The following ENOX1 variants were observed in gnomAD, a reference collection of about 807,000 sequenced individuals.
ENOX1 encodes ecto-NOX disulfide-thiol exchanger 1.
In ENOX1, 42 loss-of-function variants were observed where a neutral mutation model predicts 82.5. The ratio of observed to expected loss-of-function variants is 0.51; its 90% CI spans 0.40 to 0.66. ENOX1 has a LOEUF of 0.66. Ranked by LOEUF, ENOX1 falls within the 30% of genes least tolerant of loss-of-function variation. The probability of loss-of-function intolerance (pLI) is 0.00; values close to 1 mark genes in which losing one functional copy is unlikely to be tolerated. For missense variants in ENOX1, 608 were observed against 811.6 expected (o/e 0.75, Z 3.05); for synonymous variants, 271 against 282.2 (o/e 0.96, Z 0.40).
chr13:43,425,680 G>A (rs2055257130), intron 3 of ENOX1, among the ~76,000 whole-genome samples: 1 of 152,108 alleles, frequency 6.6e-6, no homozygotes, highest in Non-Finnish European at 1.5e-5. Flanking sequence ...CAATAATGAT[G>A]AAGACCTGAA....
chr13:43,584,290 C>T (rs1593949082), intron 2 of ENOX1, among the ~76,000 whole-genome samples: 1 of 152,306 alleles, frequency 6.6e-6, no homozygotes, highest in East Asian at 1.9e-4. Flanking sequence ...CACAAACACA[C>T]CCATCCCCCC....
chr13:43,643,030 T>C (rs1035401492), intron 2 of ENOX1, among the ~76,000 whole-genome samples: 3 of 152,332 alleles, frequency 2.0e-5, no homozygotes, highest in East Asian at 3.9e-4. Context: ...TACAATTATG[T>C]AGGAAAAATA....
At chr13:43,651,541 ACAAAAATTAG>A (rs1445169596) in intron 2 of ENOX1, among the ~76,000 whole-genome samples, 2 of 151,884 alleles carry the variant, frequency 1.3e-5, no homozygotes, top group East Asian at 3.9e-4. Flanking sequence ...ACTGAAAAAT[ACAAAAATTAG>A]CTGAGTGTGG....
chr13:43,384,044 C>T (rs2052247923), intron 5 of ENOX1, among the ~76,000 whole-genome samples: 1 of 152,200 alleles, frequency 6.6e-6, no homozygotes, highest in Non-Finnish European at 1.5e-5. Context: ...GCACCACTCA[C>T]TAACAGTGTG....
intron 12 of ENOX1, among the ~76,000 whole-genome samples, chr13:43,288,066 G>T (rs540720847): frequency 2.6e-5 from 4 of 152,288 alleles, no homozygotes; most frequent in Admixed American, 2.0e-4. Flanking sequence ...GAATTATGAG[G>T]ATTATCATCT....
chr13:43,328,696 G>A (rs1453648434), intron 9 of ENOX1, among the ~76,000 whole-genome samples: 2 of 152,132 alleles, frequency 1.3e-5, no homozygotes, highest in Non-Finnish European at 2.9e-5. Context: ...TAGTGCACAG[G>A]TTTAGGGGTA....
intron 1 of ENOX1, among the ~76,000 whole-genome samples, chr13:43,731,542 T>C (rs1346331623): frequency 6.6e-6 from 1 of 151,730 alleles, no homozygotes; most frequent in African/African-American, 2.4e-5. Context: ...TTTTTTTCTT[T>C]AGGAAGAATT....
intron 3 of ENOX1, among the ~76,000 whole-genome samples, chr13:43,458,107 T>C (rs1419026779): frequency 1.3e-5 from 2 of 152,222 alleles, no homozygotes; most frequent in Non-Finnish European, 2.9e-5. Context: ...TATGGACCAA[T>C]AACTTTTTTA....
At chr13:43,329,382 G>A (rs1432303981) in intron 9 of ENOX1, among the ~76,000 whole-genome samples, 1 of 152,150 alleles carries the variant, frequency 6.6e-6, no homozygotes. Context: ...CTTGCTACAT[G>A]GGAGGAGGAA....
chr13:43,478,066 T>TG (rs1406192463), intron 3 of ENOX1, among the ~76,000 whole-genome samples: 47 of 146,664 alleles, frequency 3.2e-4, no homozygotes, highest in South Asian at 1.5e-3. Context: ...TTTTTTTTTT[T>TG]TTTTTTTTTT....
At chr13:43,505,946 A>T (rs2077143475) in intron 2 of ENOX1, among the ~76,000 whole-genome samples, 1 of 151,956 alleles carries the variant, frequency 6.6e-6, no homozygotes, top group African/African-American at 2.4e-5. Flanking sequence ...TAAGGAAGGG[A>T]TCCAGTTTCA....
At chr13:43,675,887 C>T (rs1289724191) in intron 1 of ENOX1, among the ~76,000 whole-genome samples, 1 of 152,178 alleles carries the variant, frequency 6.6e-6, no homozygotes, top group Non-Finnish European at 1.5e-5. Context: ...TTTTGCTCAT[C>T]CCATCACAGG....
chr13:43,708,476 C>T (rs2087467797), intron 1 of ENOX1, among the ~76,000 whole-genome samples: 1 of 152,184 alleles, frequency 6.6e-6, no homozygotes, highest in Non-Finnish European at 1.5e-5. Context: ...TTTTAATAAA[C>T]TTTGACTCCT....
Position 43,298,035 on chromosome 13 carries a change from A to G in ENOX1, c.1446+311T>C, listed in dbSNP as rs181356266. Among the ~76,000 whole-genome samples the G allele has an allele frequency of 2.6e-5, 4 of 152,368 alleles. No individual in the cohort carries two copies. In the East Asian group the frequency reaches 7.7e-4, roughly 29 times the overall value. On this transcript the variant is annotated intron_variant, in intron 12 of 16. Transcript: ENST00000690772. ...TCTAAGATTACAAAATGCTTGTATCATGCAGGGATCTGCTAGGTATTTGCC... is the reference window on the plus strand; with the variant it reads ...TCTAAGATTACAAAATGCTTGTATCGTGCAGGGATCTGCTAGGTATTTGCC...
At chr13:43,689,910 C>T (rs2086266061) in intron 1 of ENOX1, among the ~76,000 whole-genome samples, 1 of 152,154 alleles carries the variant, frequency 6.6e-6, no homozygotes, top group East Asian at 1.9e-4. Context: ...GTTCTTGGCT[C>T]TCAGTGGAAA....
intron 15 of ENOX1, among the ~76,000 whole-genome samples, chr13:43,234,374 T>C (rs2042423229): frequency 6.6e-6 from 1 of 152,170 alleles, no homozygotes; most frequent in African/African-American, 2.4e-5. Context: ...AAATAAAATA[T>C]TGAGAAAGGT....
chr13:43,366,946 A>G (rs982419011), intron 5 of ENOX1, among the ~76,000 whole-genome samples: 1 of 152,228 alleles, frequency 6.6e-6, no homozygotes, highest in Non-Finnish European at 1.5e-5. Context: ...ATAAACATTA[A>G]TATTATATAG....
chr13:43,778,604 C>T (rs1952063078), intron 1 of ENOX1, among the ~76,000 whole-genome samples: 1 of 152,230 alleles, frequency 6.6e-6, no homozygotes, highest in Non-Finnish European at 1.5e-5. Flanking sequence ...TGATGCACCA[C>T]AGATCTCTCT....
At chr13:43,270,330 G>A (rs574654780) in intron 12 of ENOX1, among the ~76,000 whole-genome samples, 2 of 152,282 alleles carry the variant, frequency 1.3e-5, no homozygotes, top group Admixed American at 6.5e-5. Context: ...GCTGCAAAAA[G>A]GCCCTGGAAA....
Sources: allele counts gnomAD v4.1 joint callset (sites outside exome capture counted in the v4.1 genomes callset), GRCh38; gene constraint gnomAD v4.1.1; transcripts MANE v1.5; gene names NCBI Gene and HGNC (gene_info 2026-07-23, HGNC 2026-07-21).